The following CDH13 variants were observed in gnomAD, a reference collection of about 807,000 sequenced individuals.
The protein encoded by CDH13 is cadherin-13.
A neutral mutation model predicts 63.8 loss-of-function variants in CDH13; 24 were observed. That is an observed-to-expected ratio of 0.38 (90% CI 0.27 to 0.53). The LOEUF (loss-of-function observed/expected upper bound fraction) is 0.53. Ranked by LOEUF, CDH13 falls within the 20% of genes least tolerant of loss-of-function variation. CDH13 has a pLI of 0.85. For missense variants in CDH13, 1,049 were observed against 903.1 expected (o/e 1.16, Z -2.07); for synonymous variants, 503 against 355.3 (o/e 1.42, Z -4.67).
intron 6 of CDH13, among the ~76,000 whole-genome samples, chr16:83,393,759 A>G (rs1264912728): frequency 6.6e-6 from 1 of 152,218 alleles, no homozygotes; most frequent in Non-Finnish European, 1.5e-5. Flanking sequence ...GCATTTATTC[A>G]TTCATTCATT....
At chr16:83,077,876 C>A (rs763441599) in intron 3 of CDH13, among the ~76,000 whole-genome samples, 2 of 152,158 alleles carry the variant, frequency 1.3e-5, no homozygotes, top group Non-Finnish European at 2.9e-5. Flanking sequence ...TGTTACTGAT[C>A]TTTTTAATTT....
chr16:83,133,520 A>G (rs1367035487), intron 4 of CDH13, among the ~76,000 whole-genome samples: 1 of 152,146 alleles, frequency 6.6e-6, no homozygotes, highest in Middle Eastern at 3.2e-3. Context: ...TGTTTTTGAG[A>G]CAGAGTCTTG....
chr16:82,977,086 G>C (rs199737028), intron 2 of CDH13, among the ~76,000 whole-genome samples: 1 of 152,074 alleles, frequency 6.6e-6, no homozygotes, highest in Admixed American at 6.5e-5. Context: ...TATACCTCTG[G>C]AATACACTTT....
At chr16:82,894,293 G>T (rs116632477) in intron 2 of CDH13, among the ~76,000 whole-genome samples, 2,598 of 152,302 alleles carry the variant, frequency 0.017, 71 homozygotes, top group African/African-American at 0.058. Context: ...CATGTTGGAA[G>T]AAAACAGAGT....
At chr16:83,239,298 G>C (rs1402921001) in intron 5 of CDH13, among the ~76,000 whole-genome samples, 1 of 152,210 alleles carries the variant, frequency 6.6e-6, no homozygotes, top group African/African-American at 2.4e-5. Context: ...AGGAAATGAA[G>C]TTAGTGATCT....
intron 8 of CDH13, among the ~76,000 whole-genome samples, chr16:83,633,847 C>T (rs1200667514): frequency 6.6e-6 from 1 of 152,144 alleles, no homozygotes; most frequent in East Asian, 1.9e-4. Context: ...TCCAAATTAA[C>T]AGTAAAATAG....
chr16:83,729,834 C>G (rs1275153450), intron 10 of CDH13, among the ~76,000 whole-genome samples: 1 of 152,194 alleles, frequency 6.6e-6, no homozygotes, highest in Non-Finnish European at 1.5e-5. Context: ...AAGGTATTTT[C>G]TCAGCCAGCA....
intron 1 of CDH13, among the ~76,000 whole-genome samples, chr16:82,822,840 C>G (rs968336535): frequency 6.6e-6 from 1 of 152,176 alleles, no homozygotes; most frequent in Admixed American, 6.5e-5. Flanking sequence ...ATGTCAACAC[C>G]ATTTTATTAT....
In CDH13 at chr16:83,039,867, C is replaced by G. The variant is rs140999951; in HGVS notation, c.366+7649C>G. Among the ~76,000 whole-genome samples, 1,031 of 152,252 alleles carry G rather than the reference C, an allele frequency of 6.8e-3. 9 individuals carry two copies. Among genetic ancestry groups the G allele is most frequent in the African/African-American group, 0.023 (972 of 41,558 alleles). ...TCCTTCCACTGAGGTTCCACCTACCCTATGGTCAGCACCATTGATGCTTCA... is the reference window on the plus strand; with the variant it reads ...TCCTTCCACTGAGGTTCCACCTACCGTATGGTCAGCACCATTGATGCTTCA... On this transcript the variant is annotated intron_variant, in intron 3 of 13. Coordinates refer to ENST00000567109, the MANE Select transcript of CDH13 (RefSeq NM_001257.5).
Position 83,379,938 on chromosome 16 carries a change from T to TAGAGAGAG in CDH13, c.781+34954_781+34961dup, listed in dbSNP as rs71148831. ...GTGTGTGTATATATATATATATATA[T>TAGAGAGAG]AGAGAGAGAGAGAGAGAGAGAGAGA... On this transcript the variant is annotated intron_variant, in intron 6 of 13. Transcript: ENST00000567109. Among the ~76,000 whole-genome samples, 918 of 123,432 alleles carry TAGAGAGAG rather than the reference T, an allele frequency of 7.4e-3. 6 individuals are homozygous for TAGAGAGAG. The highest frequency in any genetic ancestry group is 0.011 in the Non-Finnish European group (663 of 61,130). The allele number at this position is 123,432 out of a possible 152,430, so 81.0% of individuals were successfully genotyped here.
At chr16:83,590,714 T>C (rs186984251) in intron 7 of CDH13, among the ~76,000 whole-genome samples, 2 of 152,202 alleles carry the variant, frequency 1.3e-5, no homozygotes, top group Non-Finnish European at 2.9e-5. Context: ...AGGGTACATC[T>C]TGACCTGCAT....
At chr16:82,925,521 G>A (rs551968275) in intron 2 of CDH13, among the ~76,000 whole-genome samples, 1 of 152,318 alleles carries the variant, frequency 6.6e-6, no homozygotes, top group South Asian at 2.1e-4. Context: ...AACAGGTCAT[G>A]CACTAGCTGC....
intron 6 of CDH13, among the ~76,000 whole-genome samples, chr16:83,416,990 T>G (rs933653059): frequency 1.3e-5 from 2 of 152,216 alleles, no homozygotes; most frequent in Admixed American, 6.5e-5. Flanking sequence ...AATAGTGTTT[T>G]TAAAATCAGT....
chr16:82,714,545 C>G (rs527273324), intron 1 of CDH13, among the ~76,000 whole-genome samples: 1 of 151,654 alleles, frequency 6.6e-6, no homozygotes, highest in East Asian at 2.0e-4. Context: ...GAAGCCCTGT[C>G]TCTACTAAAA....
chr16:83,134,861 C>T (rs1191764637), intron 4 of CDH13, among the ~76,000 whole-genome samples: 1 of 152,160 alleles, frequency 6.6e-6, no homozygotes, highest in African/African-American at 2.4e-5. Flanking sequence ...TGATCTACAT[C>T]CCGCAAATAA....
chr16:83,473,002 C>T (rs1395953362), intron 6 of CDH13, among the ~76,000 whole-genome samples: 1 of 152,180 alleles, frequency 6.6e-6, no homozygotes, highest in African/African-American at 2.4e-5. Flanking sequence ...CTCTCCAGTT[C>T]CATGGGGGCA....
At chr16:82,795,917 C>G (rs1191596285) in intron 1 of CDH13, among the ~76,000 whole-genome samples, 5 of 150,370 alleles carry the variant, frequency 3.3e-5, no homozygotes, top group Non-Finnish European at 3.0e-5. Context: ...TCGCTTAACA[C>G]AGTGGAAAAA....
intron 5 of CDH13, among the ~76,000 whole-genome samples, chr16:83,231,101 C>T (rs2039988757): frequency 2.0e-5 from 3 of 152,212 alleles, no homozygotes; most frequent in Non-Finnish European, 2.9e-5. Context: ...ACAGGGAAGA[C>T]ACATGGAAAT....
intron 7 of CDH13, among the ~76,000 whole-genome samples, chr16:83,581,587 G>A (rs571295470): frequency 3.4e-4 from 52 of 152,312 alleles, no homozygotes; most frequent in African/African-American, 1.2e-3. Flanking sequence ...GGGAGGCCAA[G>A]GCAGTGGGTT....
Sources: allele counts gnomAD v4.1 joint callset (sites outside exome capture counted in the v4.1 genomes callset), GRCh38; gene constraint gnomAD v4.1.1; transcripts MANE v1.5; gene names NCBI Gene and HGNC (gene_info 2026-07-23, HGNC 2026-07-21).